The following NOS1AP variants were observed in gnomAD, a reference collection of about 807,000 sequenced individuals.
NOS1AP encodes nitric oxide synthase 1 adaptor protein, also known as carboxyl-terminal PDZ ligand of neuronal nitric oxide synthase protein.
Under a neutral mutation model 56.2 loss-of-function variants are expected in NOS1AP, and 21 were observed. That is an observed-to-expected ratio of 0.37 (90% CI 0.26 to 0.54). The LOEUF (loss-of-function observed/expected upper bound fraction) is 0.54. Ranked by LOEUF, NOS1AP falls within the 20% of genes least tolerant of loss-of-function variation. The pLI is 0.84. For missense variants in NOS1AP, 522 were observed against 657.8 expected (o/e 0.79, Z 2.26); for synonymous variants, 270 against 274.6 (o/e 0.98, Z 0.17).
chr1:162,245,544 A>T (rs551044590), intron 2 of NOS1AP, among the ~76,000 whole-genome samples: 126 of 152,352 alleles, frequency 8.3e-4, no homozygotes, highest in Middle Eastern at 6.8e-3. Context: ...CCCAAGAGAA[A>T]TGAAAGCATA....
chr1:162,360,593 TTTGTTCAGGAACAA>T, intron 8 of NOS1AP: 1 of 350,898 alleles, frequency 2.8e-6, no homozygotes, highest in Admixed American at 3.8e-5. Flanking sequence ...GCCACTTCTG[TTTGTTCAGGAACAA>T]GGAATTGGTT....
chr1:162,352,197 T>C (rs372441615), intron 6 of NOS1AP, among the ~76,000 whole-genome samples: 71 of 152,206 alleles, frequency 4.7e-4, no homozygotes, highest in African/African-American at 7.2e-4. Flanking sequence ...GCAGCTGGGA[T>C]TACAGGCATG....
chr1:162,247,092 G>T lies in NOS1AP; in HGVS notation c.178-40252G>T, dbSNP rs913040679. On this transcript the variant is annotated intron_variant, in intron 2 of 9. Transcript: ENST00000361897. Reference sequence around the variant, plus strand: ...GGCTTTGAATTGGTCCTGGGTTTCTGATGGTTATTAATAGAAACCTGTATA... The same window carrying T: ...GGCTTTGAATTGGTCCTGGGTTTCTTATGGTTATTAATAGAAACCTGTATA... 2.6e-5 allele frequency among the ~76,000 whole-genome samples: 4 copies of T among 152,218 alleles called. No individual in the cohort carries two copies. In the South Asian group the frequency reaches 8.3e-4, roughly 32 times the overall value.
rs549754836 is a variant in NOS1AP at position 162,344,809 on chromosome 1, C to T, written c.595+833C>T. On this transcript the variant is annotated intron_variant, in intron 6 of 9. Coordinates refer to ENST00000361897, the MANE Select transcript of NOS1AP (RefSeq NM_014697.3). ...AAATATTGTTTATGTTAATTTTTAA[C>T]ATGGGAAACCCAAGAAAATAAACTG... Among the ~76,000 whole-genome samples, 5 of 151,400 alleles carry T rather than the reference C, an allele frequency of 3.3e-5. No individual in the cohort carries two copies. The South Asian group carries it at 8.4e-4, about 25-fold the overall frequency.
intron 5 of NOS1AP, among the ~76,000 whole-genome samples, chr1:162,336,669 G>C (rs1370807054): frequency 1.3e-5 from 2 of 152,208 alleles, no homozygotes; most frequent in East Asian, 1.9e-4. Flanking sequence ...TTAGAAACAG[G>C]CTTCCTCCTT....
In NOS1AP at chr1:162,324,948, C is replaced by T. The variant is rs144449490; in HGVS notation, c.345-8069C>T. ...ACATCCCAGTCATGGTGACAAGGGG[C>T]GACTTGACAGTGTGGCCCCACACTT... On this transcript the variant is annotated intron_variant, in intron 4 of 9. Coordinates refer to ENST00000361897, the MANE Select transcript of NOS1AP (RefSeq NM_014697.3). Among the ~76,000 whole-genome samples the T allele has an allele frequency of 4.9e-3, 750 of 152,144 alleles. 4 individuals carry two copies. Among genetic ancestry groups the T allele is most frequent in the Non-Finnish European group, 6.2e-3 (420 of 68,004 alleles).
At chr1:162,074,990 T>TG (rs1691738099) in intron 1 of NOS1AP, among the ~76,000 whole-genome samples, 2 of 152,180 alleles carry the variant, frequency 1.3e-5, no homozygotes, top group Non-Finnish European at 2.9e-5. Context: ...CCACATCCTG[T>TG]TGGTCAAAAC....
chr1:162,350,659 T>A (rs1438094208), intron 6 of NOS1AP, among the ~76,000 whole-genome samples: 1 of 152,238 alleles, frequency 6.6e-6, no homozygotes, highest in African/African-American at 2.4e-5. Flanking sequence ...AAACTTTTTT[T>A]ATTTAATGTG....
At chr1:162,260,658 G>A (rs1265275759) in intron 2 of NOS1AP, among the ~76,000 whole-genome samples, 1 of 152,102 alleles carries the variant, frequency 6.6e-6, no homozygotes, top group Non-Finnish European at 1.5e-5. Flanking sequence ...GCCCAAAGAG[G>A]AAAGAGGTTG....
At chr1:162,158,692 T>C (rs1650073024) in intron 2 of NOS1AP, among the ~76,000 whole-genome samples, 1 of 152,180 alleles carries the variant, frequency 6.6e-6, no homozygotes, top group Non-Finnish European at 1.5e-5. Context: ...CCAGATCTGG[T>C]ACTTTCCCCC....
At chr1:162,363,305 A>G (rs1009317672) in intron 8 of NOS1AP, 1 of 152,660 alleles carries the variant, frequency 6.6e-6, no homozygotes. Flanking sequence ...ATTTTAAAGG[A>G]TATTATAAGG....
Position 162,070,003 on chromosome 1 carries a change from C to T in NOS1AP, c.-175C>T. On this transcript the variant is annotated 5_prime_UTR_variant, in exon 1 of 10. Transcript: ENST00000361897. Reference sequence around the variant, plus strand: ...CGCATCAGCTCAGCCCGCTGCCGCTCGGCCCTCGGCACCGCTCCGGGTCCG... The same window carrying T: ...CGCATCAGCTCAGCCCGCTGCCGCTTGGCCCTCGGCACCGCTCCGGGTCCG... The T allele has an allele frequency of 2.7e-6, 1 of 367,502 alleles. No homozygotes were observed. The allele number at this position is 367,502 out of a possible 1,614,324, so 22.8% of individuals were successfully genotyped here. A position where few individuals can be genotyped will look rare whatever the true frequency, so the allele number is the denominator to read the frequency against.
At chr1:162,321,286 G>A (rs962413070) in intron 4 of NOS1AP, among the ~76,000 whole-genome samples, 11 of 152,040 alleles carry the variant, frequency 7.2e-5, no homozygotes, top group Admixed American at 2.0e-4. Flanking sequence ...TTCCATTGGC[G>A]CTATTCACAA....
At chr1:162,155,010 T>C (rs2102096496) in intron 2 of NOS1AP, among the ~76,000 whole-genome samples, 1 of 152,094 alleles carries the variant, frequency 6.6e-6, no homozygotes, top group East Asian at 1.9e-4. Context: ...GTGGAATAAG[T>C]ACTCTAAATA....
chr1:162,336,625 T>A (rs980828), intron 5 of NOS1AP, among the ~76,000 whole-genome samples: 1 of 152,036 alleles, frequency 6.6e-6, no homozygotes, highest in Non-Finnish European at 1.5e-5. Flanking sequence ...TAAATCACCC[T>A]TGGTCACACA....
chr1:162,073,859 C>T (rs1691714220), intron 1 of NOS1AP, among the ~76,000 whole-genome samples: 1 of 152,210 alleles, frequency 6.6e-6, no homozygotes, highest in South Asian at 2.1e-4. Flanking sequence ...ACCTGGCTTA[C>T]TGACTGATGC....
intron 6 of NOS1AP, among the ~76,000 whole-genome samples, chr1:162,351,911 A>G (rs1657509691): frequency 6.6e-6 from 1 of 152,136 alleles, no homozygotes; most frequent in Admixed American, 6.5e-5. Flanking sequence ...TGAAGTTACC[A>G]GGCAGGGGTT....
At chr1:162,099,289 G>A (rs1464518089) in intron 1 of NOS1AP, among the ~76,000 whole-genome samples, 2 of 151,396 alleles carry the variant, frequency 1.3e-5, no homozygotes, top group African/African-American at 4.9e-5. Flanking sequence ...GCGGGTTCAC[G>A]CCATTCTCCT....
intron 5 of NOS1AP, among the ~76,000 whole-genome samples, chr1:162,339,106 C>T (rs963139434): frequency 6.6e-6 from 1 of 152,282 alleles, no homozygotes; most frequent in Admixed American, 6.5e-5. Flanking sequence ...TTTAAGCTCC[C>T]TTTCCAGCTG....
Sources: allele counts gnomAD v4.1 joint callset (sites outside exome capture counted in the v4.1 genomes callset), GRCh38; gene constraint gnomAD v4.1.1; transcripts MANE v1.5; gene names NCBI Gene and HGNC (gene_info 2026-07-23, HGNC 2026-07-21).